The following UBTD1 variants were observed in gnomAD, a reference collection of about 807,000 sequenced individuals.
The protein encoded by UBTD1 is ubiquitin domain-containing protein 1.
In UBTD1, 19 loss-of-function variants were observed where a neutral mutation model predicts 21.7. The observed-to-expected ratio is 0.87, with a 90% CI of 0.61 to 1.28. The LOEUF (loss-of-function observed/expected upper bound fraction) is 1.28. UBTD1 is among the 50% of genes most tolerant of loss of function. The probability of loss-of-function intolerance (pLI) is 0.00; values close to 1 mark genes in which losing one functional copy is unlikely to be tolerated. For missense variants in UBTD1, 282 were observed against 315.1 expected, an observed-to-expected ratio of 0.89 and a Z score of 0.80; for synonymous variants, 116 against 135.1, an observed-to-expected ratio of 0.86 and a Z score of 0.98.
chr10:97,508,748 A>T (rs536536812), intron 1 of UBTD1, among the ~76,000 whole-genome samples: 95 of 152,234 alleles, frequency 6.2e-4, no homozygotes, highest in Admixed American at 1.8e-3. Context: ...TGAGTCCATC[A>T]TCTTGGATCA....
intron 1 of UBTD1, among the ~76,000 whole-genome samples, chr10:97,544,443 A>T (rs962761645): frequency 6.6e-6 from 1 of 152,142 alleles, no homozygotes; most frequent in Non-Finnish European, 1.5e-5. Context: ...AGATCAAAAT[A>T]ATAATGTTAA....
intron 1 of UBTD1, among the ~76,000 whole-genome samples, chr10:97,500,933 G>T (rs1474072586): frequency 6.6e-6 from 1 of 152,126 alleles, no homozygotes. Flanking sequence ...CCAAAACCAG[G>T]CTCTGCATCG....
chr10:97,541,839 AT>A (rs1437183666), intron 1 of UBTD1, among the ~76,000 whole-genome samples: 1 of 150,988 alleles, frequency 6.6e-6, no homozygotes, highest in Non-Finnish European at 1.5e-5. Context: ...AGTTTAAGAA[AT>A]TCTCCTGCCT....
intron 1 of UBTD1, among the ~76,000 whole-genome samples, chr10:97,547,003 G>A (rs748580487): frequency 6.6e-6 from 1 of 152,122 alleles, no homozygotes; most frequent in Non-Finnish European, 1.5e-5. Context: ...TGGTTTCCTT[G>A]TCTGTAAAAT....
intron 1 of UBTD1, among the ~76,000 whole-genome samples, chr10:97,534,422 G>A (rs2040549720): frequency 6.6e-6 from 1 of 152,064 alleles, no homozygotes; most frequent in Non-Finnish European, 1.5e-5. Flanking sequence ...TCTTTCCTTC[G>A]AGGTACCTTG....
intron 1 of UBTD1, among the ~76,000 whole-genome samples, chr10:97,541,633 C>T (rs1222906262): frequency 1.3e-5 from 2 of 152,030 alleles, no homozygotes; most frequent in Non-Finnish European, 2.9e-5. Context: ...TTATTGCTCC[C>T]ATTTTATGGA....
At chr10:97,499,692 C>T (rs1291473261) in intron 1 of UBTD1, among the ~76,000 whole-genome samples, 1 of 152,192 alleles carries the variant, frequency 6.6e-6, no homozygotes, top group East Asian at 1.9e-4. Context: ...CGAGAACAGT[C>T]GCTCCTTCCA....
In UBTD1 at chr10:97,551,549, G is replaced by T. The variant is rs544716978; in HGVS notation, c.71-16365G>T. ...TCTGTTACTCTGTCTTTGACCTGAA[G>T]CTTATCTAGGACAGGAGATGTAAGT... On this transcript the variant is annotated intron_variant, in intron 1 of 2. Transcript: ENST00000370664. Among the ~76,000 whole-genome samples the T allele has an allele frequency of 3.3e-5, 5 of 152,306 alleles. No homozygotes were observed. In the East Asian group the frequency reaches 7.7e-4, roughly 23 times the overall value.
intron 1 of UBTD1, among the ~76,000 whole-genome samples, chr10:97,527,544 G>A (rs1411767326): frequency 1.3e-5 from 2 of 151,992 alleles, no homozygotes; most frequent in Non-Finnish European, 2.9e-5. Context: ...CAGGGTCATA[G>A]GACAATAGGA....
chr10:97,570,006 G>A lies in UBTD1; in HGVS notation c.299-132G>A. ...ACCTCATTTAACTTTATTTATTTCT[G>A]TATAGGCCCCATGTCCAAATACAGT... On this transcript the variant is annotated intron_variant, in intron 2 of 2. Transcript: ENST00000370664. The surrounding 1 kb of genome is among the most constrained non-coding windows in gnomAD (Gnocchi z 6.6). 3.1e-6 allele frequency: 4 copies of A among 1,305,780 alleles called. No homozygotes were observed. In the South Asian group the frequency reaches 5.7e-5, roughly 18 times the overall value. The allele number at this position is 1,305,780 out of a possible 1,614,324, so 80.9% of individuals were successfully genotyped here. A position where few individuals can be genotyped will look rare whatever the true frequency, so the allele number is the denominator to read the frequency against.
At chr10:97,536,675 A>G (rs757094140) in intron 1 of UBTD1, among the ~76,000 whole-genome samples, 5 of 152,004 alleles carry the variant, frequency 3.3e-5, no homozygotes, top group Middle Eastern at 3.4e-3. Context: ...TGCACACTCT[A>G]CCCAGCCTGA....
chr10:97,568,016 C>G lies in UBTD1; in HGVS notation c.173C>G (p.Ala58Gly). 1 of 1,614,058 alleles carries G rather than the reference C, an allele frequency of 6.2e-7. No individual in the cohort carries two copies. ...AAACGGGATGAGTTCTGGGACACAG[C>G]GCCTGCCTTCGAGGGCCGCAAGGAG... ...RSKRDEFWDT[A>G]PAFEGRKEIW... The change falls in exon 2 of 3, where the codon GCG (alanine) becomes GGG (glycine). Residue 58 changes from alanine (A) to glycine (G), a missense_variant. Ala to Gly is a moderately conservative substitution (Grantham distance 60). Transcript: ENST00000370664.
At chr10:97,569,300 G>C (rs1210820436) in intron 2 of UBTD1, among the ~76,000 whole-genome samples, 1 of 152,242 alleles carries the variant, frequency 6.6e-6, no homozygotes, top group Non-Finnish European at 1.5e-5. Context: ...AGGTGCTCAA[G>C]AGACAATAAA....
chr10:97,501,507 T>A (rs1279362475), intron 1 of UBTD1, among the ~76,000 whole-genome samples: 2 of 152,180 alleles, frequency 1.3e-5, no homozygotes, highest in Non-Finnish European at 2.9e-5. Context: ...GGGAGATTGC[T>A]TGAACTGGAA....
chr10:97,499,176 G>A lies in UBTD1; in HGVS notation c.-28G>A. The A allele has an allele frequency of 6.5e-7, 1 of 1,527,378 alleles. No individual in the cohort carries two copies. Among genetic ancestry groups the A allele is most frequent in the East Asian group, 2.6e-5 (1 of 38,510 alleles). 94.6% of individuals were successfully genotyped at this position (1,527,378 alleles called of 1,614,324 possible). ...GCAGCCGACCACCCCGCCGCCTCCG[G>A]TGCATGGGGACTGGCTGAGGAGCCA... On this transcript the variant is annotated 5_prime_UTR_variant, in exon 1 of 3. It adds an upstream start codon to the 5' untranslated region. Coordinates refer to ENST00000370664, the MANE Select transcript of UBTD1 (RefSeq NM_024954.5).
At chr10:97,508,404 C>A (rs2040408082) in intron 1 of UBTD1, among the ~76,000 whole-genome samples, 1 of 152,220 alleles carries the variant, frequency 6.6e-6, no homozygotes, top group East Asian at 1.9e-4. Context: ...ATTTGATTCT[C>A]CCTATTTTAC....
chr10:97,566,013 C>T (rs1194888607), intron 1 of UBTD1, among the ~76,000 whole-genome samples: 2 of 152,170 alleles, frequency 1.3e-5, no homozygotes, highest in African/African-American at 4.8e-5. Context: ...TAGGCCTGGC[C>T]TGTATTTTTA....
intron 1 of UBTD1, among the ~76,000 whole-genome samples, chr10:97,543,514 G>C (rs545049421): frequency 1.3e-5 from 2 of 152,220 alleles, no homozygotes; most frequent in Non-Finnish European, 1.5e-5. Context: ...TTCACACTTC[G>C]TACAGAAATT....
At chr10:97,530,006 G>A (rs543418634) in intron 1 of UBTD1, among the ~76,000 whole-genome samples, 2 of 152,278 alleles carry the variant, frequency 1.3e-5, no homozygotes, top group African/African-American at 4.8e-5. Context: ...CTTCCGCAGA[G>A]GGGGTGAGAC....
Sources: allele counts gnomAD v4.1 joint callset (sites outside exome capture counted in the v4.1 genomes callset), GRCh38; gene constraint gnomAD v4.1.1; non-coding constraint Gnocchi (gnomAD v3.1); transcripts MANE v1.5; gene names NCBI Gene and HGNC (gene_info 2026-07-23, HGNC 2026-07-21).